Variants in MIPOL1 observed in about 807,000 individuals in gnomAD.
The protein encoded by MIPOL1 is mirror-image polydactyly gene 1 protein.
Under a neutral mutation model 60.9 loss-of-function variants are expected in MIPOL1, and 57 were observed. That is an observed-to-expected ratio of 0.94 (90% CI 0.76 to 1.17). The LOEUF (loss-of-function observed/expected upper bound fraction) is 1.17. Ranked by LOEUF, MIPOL1 falls within the 50% of genes most tolerant of loss-of-function variation. The pLI is 0.00. For synonymous variants in MIPOL1, 179 were observed against 168.8 expected (o/e 1.06, Z -0.47); for missense variants, 551 against 511.6 (o/e 1.08, Z -0.74).
At chr14:37,262,983 T>G (rs10138206) in intron 3 of MIPOL1, among the ~76,000 whole-genome samples, 60,091 of 152,088 alleles carry the variant, frequency 0.4, 14,376 homozygotes, top group Non-Finnish European at 0.53. Flanking sequence ...ACTGCCTTAC[T>G]TCTGTATAGT....
chr14:37,288,071 C>T (rs2084732554), intron 7 of MIPOL1, among the ~76,000 whole-genome samples: 1 of 152,190 alleles, frequency 6.6e-6, no homozygotes, highest in Admixed American at 6.5e-5. Context: ...CCTGGGAGCT[C>T]AGATTCACGT....
intron 9 of MIPOL1, among the ~76,000 whole-genome samples, chr14:37,330,062 A>G (rs1804734402): frequency 6.6e-6 from 1 of 152,128 alleles, no homozygotes; most frequent in African/African-American, 2.4e-5. Flanking sequence ...ATGCTTTTGC[A>G]GCACTGAAGA....
At chr14:37,290,583 T>A (rs1013726095) in intron 7 of MIPOL1, among the ~76,000 whole-genome samples, 3 of 152,196 alleles carry the variant, frequency 2.0e-5, no homozygotes, top group Non-Finnish European at 4.4e-5. Context: ...TCATCCTTTA[T>A]TCTTAAAGTA....
At chr14:37,500,447 A>G (rs1486684617) in intron 12 of MIPOL1, among the ~76,000 whole-genome samples, 1 of 152,156 alleles carries the variant, frequency 6.6e-6, no homozygotes, top group Non-Finnish European at 1.5e-5. Flanking sequence ...GTTATTAGCA[A>G]GGGGAAGAGG....
Position 37,351,738 on chromosome 14 carries a change from C to T in MIPOL1, c.829-17779C>T, listed in dbSNP as rs1311560825. Among the ~76,000 whole-genome samples the T allele has an allele frequency of 2.0e-4, 25 of 123,706 alleles. No individual in the cohort carries two copies. The South Asian group carries it at 8.0e-3, about 40-fold the overall frequency. The allele number at this position is 123,706 out of a possible 152,430, so 81.2% of individuals were successfully genotyped here. A position where few individuals can be genotyped will look rare whatever the true frequency, so the allele number is the denominator to read the frequency against. On this transcript the variant is annotated intron_variant, in intron 9 of 12. Transcript: ENST00000684589. The stretch of plus-strand genomic sequence containing the variant: ...AGAAGTGTCTGTTCATGTCCTTTGC[C>T]CACTTTTTGATGGGGTTGTTTGTTT...
Position 37,524,559 on chromosome 14 carries a change from C to CTTTTTTTTTTTTTTTTT in MIPOL1, c.1263-22341_1263-22340insTTTTTTTTTTTTTTTTT. ...TGTTCTTCTTGACATCTTAATTTTT[C>CTTTTTTTTTTTTTTTTT]TTTTTCTTTTCTTTTTTTTTTTTTT... On this transcript the variant is annotated intron_variant, in intron 12 of 12. Coordinates refer to ENST00000684589, the MANE Select transcript of MIPOL1 (RefSeq NM_001388067.1). Among the ~76,000 whole-genome samples the CTTTTTTTTTTTTTTTTT allele has an allele frequency of 5.9e-4, 11 of 18,500 alleles. 3 individuals are homozygous for CTTTTTTTTTTTTTTTTT. The highest frequency in any genetic ancestry group is 2.7e-3 in the African/African-American group (7 of 2,576). 12.1% of individuals were successfully genotyped at this position (18,500 alleles called of 152,430 possible).
At chr14:37,330,431 A>G (rs1268112743) in intron 9 of MIPOL1, among the ~76,000 whole-genome samples, 3 of 152,124 alleles carry the variant, frequency 2.0e-5, no homozygotes, top group East Asian at 1.9e-4. Flanking sequence ...AGTGTTCTTA[A>G]ATTTTATACA....
At chr14:37,359,307 G>C (rs1386772424) in intron 9 of MIPOL1, among the ~76,000 whole-genome samples, 2 of 152,162 alleles carry the variant, frequency 1.3e-5, no homozygotes, top group Non-Finnish European at 2.9e-5. Context: ...GGATTGTCTT[G>C]GCAATGTGGG....
chr14:37,334,837 T>C (rs912538476), intron 9 of MIPOL1, among the ~76,000 whole-genome samples: 2 of 152,044 alleles, frequency 1.3e-5, no homozygotes, highest in African/African-American at 4.8e-5. Context: ...CAGTATGTAT[T>C]AGTACTTTTA....
At position 37,351,063 on chromosome 14, in the gene MIPOL1, C is replaced by T. The variant is rs893242390; in HGVS notation, c.829-18454C>T. 5.1e-5 allele frequency among the ~76,000 whole-genome samples: 6 copies of T among 118,802 alleles called. 1 individual carries two copies. In the South Asian group the frequency reaches 1.5e-3, roughly 29 times the overall value. 77.9% of individuals were successfully genotyped at this position (118,802 alleles called of 152,430 possible). A position where few individuals can be genotyped will look rare whatever the true frequency, so the allele number is the denominator to read the frequency against. On this transcript the variant is annotated intron_variant, in intron 9 of 12. Coordinates refer to ENST00000684589, the MANE Select transcript of MIPOL1 (RefSeq NM_001388067.1). ...CCCAATGCTATCCCTCCCCCCTCCCCCCACCCCACAACGGTCCCCAGAGTG... is the reference window on the plus strand; with the variant it reads ...CCCAATGCTATCCCTCCCCCCTCCCTCCACCCCACAACGGTCCCCAGAGTG...
At chr14:37,392,820 A>G (rs971240143) in intron 10 of MIPOL1, among the ~76,000 whole-genome samples, 9 of 152,188 alleles carry the variant, frequency 5.9e-5, no homozygotes, top group African/African-American at 1.9e-4. Flanking sequence ...ATATCAAGTA[A>G]GTTATAGTTT....
Position 37,369,603 on chromosome 14 carries a change from C to G in MIPOL1, c.915C>G (p.Asn305Lys). 1.2e-6 allele frequency: 2 copies of G among 1,612,910 alleles called. No homozygotes were observed. Among genetic ancestry groups the G allele is most frequent in the Non-Finnish European group, 1.7e-6 (2 of 1,179,234 alleles). ...ACATGAGACATCTGACTGCTGAAAA[C>G]AATCAAGAACGTGCTCTGAAGGTAA... ...ANNMRHLTAE[N>K]NQERALKAKL... The change falls in exon 10 of 13, where the codon AAC (asparagine) becomes AAG (lysine). Residue 305 changes from asparagine (N) to lysine (K), a missense_variant. Asn to Lys is a moderately conservative substitution (Grantham distance 94). Coordinates refer to ENST00000684589, the MANE Select transcript of MIPOL1 (RefSeq NM_001388067.1).
At chr14:37,201,504 T>C (rs991446920) in intron 1 of MIPOL1, among the ~76,000 whole-genome samples, 1 of 152,172 alleles carries the variant, frequency 6.6e-6, no homozygotes, top group East Asian at 1.9e-4. Context: ...TATGTAAAAA[T>C]ATATAATATA....
At chr14:37,367,492 A>G (rs550069103) in intron 9 of MIPOL1, among the ~76,000 whole-genome samples, 1 of 152,170 alleles carries the variant, frequency 6.6e-6, no homozygotes, top group African/African-American at 2.4e-5. Flanking sequence ...ATTTGGAATG[A>G]AAATAATAGG....
Position 37,546,951 on chromosome 14 carries a change from A to G in MIPOL1, c.1309A>G (p.Thr437Ala), listed in dbSNP as rs1181664065. 3 of 1,613,356 alleles carry G rather than the reference A, an allele frequency of 1.9e-6. No individual in the cohort carries two copies. Among genetic ancestry groups the G allele is most frequent in the Non-Finnish European group, 2.5e-6 (3 of 1,179,546 alleles). Residue 437 changes from threonine (T) to alanine (A), a missense_variant, in exon 13 of 13, where the codon ACC (threonine) becomes GCC (alanine). Coordinates refer to ENST00000684589, the MANE Select transcript of MIPOL1 (RefSeq NM_001388067.1). ...DVLRKKVGTG[T>A]MRTVI ...ACTGAGGAAGAAGGTTGGAACCGGG[A>G]CCATGAGGACAGTGATCTGATTGAA...
chr14:37,342,290 G>A (rs2153463168), intron 9 of MIPOL1, among the ~76,000 whole-genome samples: 1 of 152,112 alleles, frequency 6.6e-6, no homozygotes, highest in South Asian at 2.1e-4. Context: ...CTGGGAGGGA[G>A]GCGGAGGTTG....
At chr14:37,356,127 A>T (rs1374565554) in intron 9 of MIPOL1, among the ~76,000 whole-genome samples, 1 of 150,236 alleles carries the variant, frequency 6.7e-6, no homozygotes, top group Non-Finnish European at 1.5e-5. Flanking sequence ...CTTCTAACAG[A>T]CAGGACCCTC....
chr14:37,410,595 A>C (rs1407634293), intron 10 of MIPOL1, among the ~76,000 whole-genome samples: 1 of 152,150 alleles, frequency 6.6e-6, no homozygotes, highest in Non-Finnish European at 1.5e-5. Flanking sequence ...AAAGTGACTA[A>C]TATAAATGAA....
chr14:37,292,881 G>A (rs1594945554), intron 7 of MIPOL1, among the ~76,000 whole-genome samples: 1 of 152,216 alleles, frequency 6.6e-6, no homozygotes, highest in South Asian at 2.1e-4. Context: ...TAGGGCAATG[G>A]GATGGGAATG....
Sources: allele counts gnomAD v4.1 joint callset (sites outside exome capture counted in the v4.1 genomes callset), GRCh38; gene constraint gnomAD v4.1.1; transcripts MANE v1.5; gene names NCBI Gene and HGNC (gene_info 2026-07-23, HGNC 2026-07-21).